The following EEFSEC variants were observed in gnomAD, a reference collection of about 807,000 sequenced individuals.
The protein encoded by EEFSEC is eukaryotic elongation factor, selenocysteine-tRNA specific.
In EEFSEC, 43 loss-of-function variants were observed where a neutral mutation model predicts 42.1. The ratio of observed to expected loss-of-function variants is 1.02; its 90% confidence interval spans 0.80 to 1.32. The LOEUF (loss-of-function observed/expected upper bound fraction) is 1.32, where lower values mean the gene tolerates loss of function less well. Ranked by LOEUF, EEFSEC falls within the 40% of genes most tolerant of loss-of-function variation. EEFSEC has a pLI of 0.00. For missense variants in EEFSEC, 745 were observed against 803.6 expected, an observed-to-expected ratio of 0.93 and a Z score of 0.88; for synonymous variants, 354 against 339.1, an observed-to-expected ratio of 1.04 and a Z score of -0.48.
chr3:128,372,851 C>T (rs921061946), intron 6 of EEFSEC, among the ~76,000 whole-genome samples: 1 of 152,198 alleles, frequency 6.6e-6, no homozygotes, highest in Non-Finnish European at 1.5e-5. Context: ...CCTGACTATA[C>T]GTAAACAAGG....
At chr3:128,281,828 T>C (rs1355736264) in intron 4 of EEFSEC, among the ~76,000 whole-genome samples, 1 of 152,184 alleles carries the variant, frequency 6.6e-6, no homozygotes, top group African/African-American at 2.4e-5. Context: ...GCCTGGCGAC[T>C]TGCACTCTCC....
chr3:128,372,385 G>GC (rs1157604671), intron 6 of EEFSEC, among the ~76,000 whole-genome samples: 1 of 152,184 alleles, frequency 6.6e-6, no homozygotes, highest in Non-Finnish European at 1.5e-5. Flanking sequence ...TGGTCAAGGG[G>GC]CCTAAAACCC....
rs2065283189 is a variant in EEFSEC, at chr3:128,170,389, C to T, written c.316+16566C>T. Among the ~76,000 whole-genome samples the T allele has an allele frequency of 2.6e-5, 4 of 151,938 alleles. No homozygotes were observed. In the South Asian group the frequency reaches 8.3e-4, roughly 32 times the overall value. On this transcript the variant is annotated intron_variant, in intron 1 of 6. Transcript: ENST00000254730. ...CCAGCCTAGCCAACATGACGAAACCCCGTCTCTACTAAAACTACAAAAATT... is the reference window on the plus strand; with the variant it reads ...CCAGCCTAGCCAACATGACGAAACCTCGTCTCTACTAAAACTACAAAAATT...
intron 2 of EEFSEC, among the ~76,000 whole-genome samples, chr3:128,258,336 A>C (rs1576586519): frequency 6.6e-6 from 1 of 152,148 alleles, no homozygotes; most frequent in Non-Finnish European, 1.5e-5. Context: ...GCACCGTGGG[A>C]AGGACAGGGC....
chr3:128,290,586 G>A (rs1319334048), intron 4 of EEFSEC, among the ~76,000 whole-genome samples: 1 of 148,444 alleles, frequency 6.7e-6, no homozygotes. Context: ...TTTTTTTTAA[G>A]TATTGGAATT....
chr3:128,250,436 T>A (rs2066173278), intron 2 of EEFSEC, among the ~76,000 whole-genome samples: 2 of 152,216 alleles, frequency 1.3e-5, no homozygotes, highest in Non-Finnish European at 2.9e-5. Flanking sequence ...GTATATGATG[T>A]AAGTTAAGGG....
chr3:128,270,823 C>T (rs1002172316), intron 4 of EEFSEC, among the ~76,000 whole-genome samples: 1 of 152,148 alleles, frequency 6.6e-6, no homozygotes, highest in Non-Finnish European at 1.5e-5. Context: ...CTTTCCAGCA[C>T]AGCTCAGGGC....
the EEFSEC span, among the ~76,000 whole-genome samples, chr3:128,415,397 G>A: frequency 2.0e-5 from 3 of 152,186 alleles, no homozygotes; most frequent in Non-Finnish European, 4.4e-5. Context: ...GCAGGCTTCC[G>A]AAGGAAGTGA....
chr3:128,220,291 C>T (rs144232407), intron 1 of EEFSEC, among the ~76,000 whole-genome samples: 12 of 152,308 alleles, frequency 7.9e-5, no homozygotes, highest in African/African-American at 2.9e-4. Context: ...CACTTTGCTT[C>T]TCTAGAGGTG....
intron 2 of EEFSEC, among the ~76,000 whole-genome samples, chr3:128,258,344 G>A (rs1382456849): frequency 6.6e-6 from 1 of 152,186 alleles, no homozygotes; most frequent in Admixed American, 6.5e-5. Context: ...GGAAGGACAG[G>A]GCTCTGGAAT....
chr3:128,212,744 C>G (rs775280629), intron 1 of EEFSEC, among the ~76,000 whole-genome samples: 1 of 152,190 alleles, frequency 6.6e-6, no homozygotes, highest in Non-Finnish European at 1.5e-5. Context: ...CTCTTTGAGA[C>G]AGCAGAATCA....
At chr3:128,302,980 T>A (rs1398871423) in intron 4 of EEFSEC, among the ~76,000 whole-genome samples, 1 of 152,034 alleles carries the variant, frequency 6.6e-6, no homozygotes, top group African/African-American at 2.4e-5. Flanking sequence ...TGTTGCCTTT[T>A]AAAAAAAATT....
intron 6 of EEFSEC, among the ~76,000 whole-genome samples, chr3:128,403,911 ACTGT>A (rs1355245905): frequency 6.6e-6 from 1 of 152,048 alleles, no homozygotes; most frequent in African/African-American, 2.4e-5. Context: ...TGCCTTGTTC[ACTGT>A]CTGTGCCTTC....
At chr3:128,292,414 T>C (rs2066653574) in intron 4 of EEFSEC, among the ~76,000 whole-genome samples, 1 of 151,902 alleles carries the variant, frequency 6.6e-6, no homozygotes, top group South Asian at 2.1e-4. Context: ...CTTTAAAGTT[T>C]GGAATAATTC....
At chr3:128,305,258 C>G (rs1404003828) in intron 4 of EEFSEC, among the ~76,000 whole-genome samples, 2 of 151,958 alleles carry the variant, frequency 1.3e-5, no homozygotes, top group Non-Finnish European at 2.9e-5. Flanking sequence ...GGAAGGTATC[C>G]TACTTAGTTG....
chr3:128,339,911 A>G (rs1309663075), intron 4 of EEFSEC, among the ~76,000 whole-genome samples: 2 of 152,232 alleles, frequency 1.3e-5, no homozygotes, highest in Non-Finnish European at 2.9e-5. Context: ...GTTTCCCCTT[A>G]TAAAACAATC....
At chr3:128,235,652 T>A (rs2066000975) in intron 1 of EEFSEC, among the ~76,000 whole-genome samples, 1 of 152,238 alleles carries the variant, frequency 6.6e-6, no homozygotes, top group Admixed American at 6.5e-5. Flanking sequence ...AGAGCTCTAT[T>A]CAGTGAATAG....
intron 1 of EEFSEC, among the ~76,000 whole-genome samples, chr3:128,186,359 C>T (rs1307912533): frequency 6.6e-6 from 1 of 152,140 alleles, no homozygotes; most frequent in African/African-American, 2.4e-5. Flanking sequence ...AATATTTTCT[C>T]CCATTCTGTG....
chr3:128,221,342 T>A (rs543830879), intron 1 of EEFSEC, among the ~76,000 whole-genome samples: 47 of 152,290 alleles, frequency 3.1e-4, no homozygotes, highest in African/African-American at 1.1e-3. Flanking sequence ...GGTATACAGA[T>A]TGGAGATGTG....
Sources: gnomAD v4.1 joint callset for allele counts (sites outside exome capture counted in the v4.1 genomes callset) on GRCh38, gnomAD v4.1.1 for gene constraint, MANE v1.5 for transcripts, NCBI Gene and HGNC (gene_info 2026-07-23, HGNC 2026-07-21) for gene names.